CYBRD1: variants seen among roughly 807,000 people sequenced by gnomAD.
The protein encoded by CYBRD1 is cytochrome b reductase 1.
A neutral mutation model predicts 21.9 loss-of-function variants in CYBRD1; 14 were observed. The observed-to-expected ratio is 0.64, with a 90% CI of 0.42 to 1.00. The LOEUF is 1.00. Ranked by LOEUF, CYBRD1 falls within the 50% of genes least tolerant of loss-of-function variation. The pLI is 0.00. For missense variants in CYBRD1, 328 were observed against 352.5 expected (o/e 0.93, Z 0.56); for synonymous variants, 146 against 136.5 (o/e 1.07, Z -0.48).
At chr2:171,523,565 C>A (rs1697342769) in intron 1 of CYBRD1, among the ~76,000 whole-genome samples, 1 of 152,226 alleles carries the variant, frequency 6.6e-6, no homozygotes, top group South Asian at 2.1e-4. Flanking sequence ...GGGCCCGCGG[C>A]TGCCTGGCAC....
In CYBRD1 at chr2:171,541,735, A is replaced by G; in HGVS notation, c.344A>G (p.Asn115Ser). 1.9e-6 allele frequency: 3 copies of G among 1,613,580 alleles called. No individual in the cohort carries two copies. In the South Asian group the frequency reaches 3.3e-5, roughly 18 times the overall value. Residue 115 changes from asparagine to serine, a missense_variant, in exon 2 of 4, where the codon AAT (asparagine) becomes AGT (serine). By Grantham distance (46) the Asn-to-Ser change is conservative. Transcript: ENST00000321348. ...AACCACAATGTTAACAATATAGCCA[A>G]TATGTACAGTCTGCACAGCTGGGTT... is the stretch of plus-strand genomic sequence containing the variant. ...FENHNVNNIA[N>S]MYSLHSWVGL...
At chr2:171,553,290 AAAATT>A in intron 2 of CYBRD1, 51 bp from the exon 3 acceptor site, 1 of 1,585,178 alleles carries the variant, frequency 6.3e-7, no homozygotes, top group Non-Finnish European at 8.6e-7. Flanking sequence ...TAAATAATTT[AAAATT>A]AGTTTAGAAC....
At chr2:171,538,682 T>C (rs1406400550) in intron 1 of CYBRD1, among the ~76,000 whole-genome samples, 1 of 152,216 alleles carries the variant, frequency 6.6e-6, no homozygotes, top group Admixed American at 6.5e-5. Flanking sequence ...CATCCTGTGC[T>C]GAAAGCTTTA....
chr2:171,525,776 C>G (rs549046988), intron 1 of CYBRD1, among the ~76,000 whole-genome samples: 1 of 152,104 alleles, frequency 6.6e-6, no homozygotes, highest in African/African-American at 2.4e-5. Context: ...AAACTAAGAA[C>G]AAGTATGAGT....
intron 1 of CYBRD1, among the ~76,000 whole-genome samples, chr2:171,540,272 A>G (rs1216544066): frequency 1.3e-5 from 2 of 152,176 alleles, no homozygotes; most frequent in East Asian, 3.8e-4. Flanking sequence ...TACACTATAT[A>G]CTTGTTAACG....
chr2:171,542,889 T>A (rs1309882073), intron 2 of CYBRD1, among the ~76,000 whole-genome samples: 3 of 152,060 alleles, frequency 2.0e-5, no homozygotes, highest in East Asian at 1.9e-4. Flanking sequence ...CTCAAAAAAA[T>A]AAATAAATAA....
chr2:171,543,554 A>G (rs76159778), intron 2 of CYBRD1, among the ~76,000 whole-genome samples: 2,788 of 152,224 alleles, frequency 0.018, 75 homozygotes, highest in African/African-American at 0.062. Flanking sequence ...CCCGGTGTTT[A>G]TTCTCATTCT....
At chr2:171,528,912 G>A (rs149992449) in intron 1 of CYBRD1, among the ~76,000 whole-genome samples, 4 of 152,326 alleles carry the variant, frequency 2.6e-5, no homozygotes, top group Admixed American at 1.3e-4. Flanking sequence ...CATTTCACTA[G>A]AAAATCTTAT....
At chr2:171,548,743 TTGTTA>T (rs1697757053) in intron 2 of CYBRD1, among the ~76,000 whole-genome samples, 1 of 149,680 alleles carries the variant, frequency 6.7e-6, no homozygotes, top group South Asian at 2.1e-4. Context: ...ATAAGAGCTT[TTGTTA>T]TGTCTAAAAG....
At chr2:171,551,564 A>G (rs1321607376) in intron 2 of CYBRD1, among the ~76,000 whole-genome samples, 1 of 152,226 alleles carries the variant, frequency 6.6e-6, no homozygotes, top group Non-Finnish European at 1.5e-5. Flanking sequence ...TTTTAGAATC[A>G]ATGCATCAAA....
intron 2 of CYBRD1, among the ~76,000 whole-genome samples, chr2:171,543,563 C>T (rs2105340901): frequency 6.6e-6 from 1 of 152,244 alleles, no homozygotes; most frequent in South Asian, 2.1e-4. Flanking sequence ...TATTCTCATT[C>T]TCTGCTTTTT....
At chr2:171,549,087 A>G (rs916325799) in intron 2 of CYBRD1, among the ~76,000 whole-genome samples, 7 of 152,168 alleles carry the variant, frequency 4.6e-5, no homozygotes, top group Admixed American at 1.3e-4. Flanking sequence ...TATTCTATTT[A>G]TTTATTTATT....
At chr2:171,554,082 C>T (rs1171922504) in intron 3 of CYBRD1, among the ~76,000 whole-genome samples, 1 of 152,162 alleles carries the variant, frequency 6.6e-6, no homozygotes, top group African/African-American at 2.4e-5. Flanking sequence ...AAGTGGTGGC[C>T]TGCAGTCAGT....
chr2:171,537,306 A>G lies in CYBRD1; in HGVS notation c.194-4279A>G, dbSNP rs79396491. Among the ~76,000 whole-genome samples, 1,362 of 152,310 alleles carry G rather than the reference A, an allele frequency of 8.9e-3. 19 individuals carry two copies. The highest frequency in any genetic ancestry group is 0.027 in the African/African-American group (1,142 of 41,560). On this transcript the variant is annotated intron_variant, in intron 1 of 3. Coordinates refer to ENST00000321348, the MANE Select transcript of CYBRD1 (RefSeq NM_024843.4). ...TTGCAGAAGGCTCCACTTTGTAGAT[A>G]AAAGTTCACTAGGTCATTGGGTAAA...
At chr2:171,533,774 T>C (rs1402201707) in intron 1 of CYBRD1, among the ~76,000 whole-genome samples, 4 of 149,898 alleles carry the variant, frequency 2.7e-5, no homozygotes, top group African/African-American at 7.3e-5. Flanking sequence ...TTCTTTCTTT[T>C]TTTTTTTTTT....
intron 2 of CYBRD1, among the ~76,000 whole-genome samples, chr2:171,545,554 T>TTC (rs1163645937): frequency 6.7e-6 from 1 of 149,318 alleles, no homozygotes; most frequent in East Asian, 1.9e-4. Flanking sequence ...AATTTTTTTT[T>TTC]TTTTTTTTTT....
At chr2:171,553,108 G>GA (rs1211576881) in intron 2 of CYBRD1, among the ~76,000 whole-genome samples, 6 of 152,064 alleles carry the variant, frequency 3.9e-5, no homozygotes, top group African/African-American at 1.4e-4. Context: ...TCTGTTAAGG[G>GA]AAAAAAGCAA....
At chr2:171,546,041 C>T (rs557263671) in intron 2 of CYBRD1, among the ~76,000 whole-genome samples, 8 of 152,176 alleles carry the variant, frequency 5.3e-5, no homozygotes, top group Non-Finnish European at 4.4e-5. Flanking sequence ...ATTCATATCT[C>T]GCGTTGTTGT....
chr2:171,537,504 C>G (rs1210078121), intron 1 of CYBRD1, among the ~76,000 whole-genome samples: 7 of 151,954 alleles, frequency 4.6e-5, no homozygotes, highest in Admixed American at 4.6e-4. Flanking sequence ...TTATGGGTCA[C>G]ACATACACAC....
Sources: allele counts gnomAD v4.1 joint callset (sites outside exome capture counted in the v4.1 genomes callset), GRCh38; gene constraint gnomAD v4.1.1; transcripts MANE v1.5; gene names NCBI Gene and HGNC (gene_info 2026-07-23, HGNC 2026-07-21).